Variants in RAI1 observed in about 807,000 individuals in gnomAD.
The protein encoded by RAI1 is retinoic acid induced 1.
Under a neutral mutation model 123.8 loss-of-function variants are expected in RAI1, and 9 were observed. The ratio of observed to expected loss-of-function variants is 0.07; its 90% CI spans 0.04 to 0.13. The LOEUF is 0.13. Ranked by LOEUF, RAI1 falls within the 10% of genes least tolerant of loss-of-function variation. RAI1 has a pLI of 1.00. For missense variants in RAI1, 2,256 were observed against 2,545.8 expected (o/e 0.89, Z 2.45); for synonymous variants, 1,231 against 1,127.3 (o/e 1.09, Z -1.84).
chr17:17,787,439 C>T (rs2031864539), intron 2 of RAI1, among the ~76,000 whole-genome samples: 1 of 152,174 alleles, frequency 6.6e-6, no homozygotes, highest in South Asian at 2.1e-4. Flanking sequence ...GCTTTTTGTT[C>T]AGTGGTGAAT....
Position 17,798,315 on chromosome 17 carries a change from G to T in RAI1, c.5367G>T (p.Arg1789=). ...AGAGCTGCTACTGCTGTGATGGCCG[G>T]GAGGATGGGGGCGAGGAGGCAGCCC... is the stretch of plus-strand genomic sequence containing the variant. ...RLQSCYCCDG[R]EDGGEEAAPA... The change falls in exon 3 of 6, where the codon CGG becomes CGT. Residue 1789 remains arginine (R), a synonymous_variant. Transcript: ENST00000353383. The T allele has an allele frequency of 6.3e-7, 1 of 1,596,626 alleles. No homozygotes were observed.
intron 4 of RAI1, among the ~76,000 whole-genome samples, chr17:17,808,383 TTTA>T (rs1325527993): frequency 1.5e-3 from 202 of 136,598 alleles, no homozygotes; most frequent in Middle Eastern, 7.2e-3. Context: ...TATATTTTAT[TTTA>T]TTATTTTATT....
In RAI1 at chr17:17,793,402, C is replaced by T. The variant is rs755899326; in HGVS notation, c.454C>T (p.Pro152Ser). 6.2e-7 allele frequency: 1 copy of T among 1,613,676 alleles called. No individual in the cohort carries two copies. Among genetic ancestry groups the T allele is most frequent in the Non-Finnish European group, 8.5e-7 (1 of 1,179,980 alleles). ...GAACTTGATGAAAAAGACAGCAGTG[C>T]CCCCCAGCAGGCAGTATGCAGAGCA... is the stretch of plus-strand genomic sequence containing the variant. ...DENLMKKTAVPPSRQYAEQGA... is the reference protein window; with the variant it reads ...DENLMKKTAVSPSRQYAEQGA... Residue 152 changes from proline (P) to serine (S), a missense_variant, in exon 3 of 6, where the codon CCC becomes TCC. Pro to Ser is a moderately conservative substitution (Grantham distance 74, BLOSUM62 -1). This residue lies in a region of RAI1 where 336 missense variants were observed against 349.8 expected (regional missense o/e 0.96). Transcript: ENST00000353383.
intron 2 of RAI1, among the ~76,000 whole-genome samples, chr17:17,729,085 G>A (rs1204170891): frequency 6.6e-6 from 1 of 152,106 alleles, no homozygotes; most frequent in Non-Finnish European, 1.5e-5. Flanking sequence ...TGCCAACCTG[G>A]GCAAGGCCTG....
intron 4 of RAI1, among the ~76,000 whole-genome samples, chr17:17,807,441 C>G (rs900751238): frequency 6.6e-6 from 1 of 152,214 alleles, no homozygotes; most frequent in Non-Finnish European, 1.5e-5. Flanking sequence ...TGCCCCCTTC[C>G]AATTCTTGTT....
chr17:17,750,101 T>C (rs2142981729), intron 2 of RAI1, among the ~76,000 whole-genome samples: 1 of 152,348 alleles, frequency 6.6e-6, no homozygotes, highest in East Asian at 1.9e-4. Flanking sequence ...GAGATATCAC[T>C]TGCATTCACA....
chr17:17,807,971 C>G (rs1289592010), intron 4 of RAI1, among the ~76,000 whole-genome samples: 11 of 152,240 alleles, frequency 7.2e-5, no homozygotes, highest in Non-Finnish European at 1.2e-4. Flanking sequence ...GCCCTGCCCT[C>G]AGGGCTGCAG....
intron 2 of RAI1, among the ~76,000 whole-genome samples, chr17:17,785,502 CATT>C (rs765883058): frequency 6.6e-6 from 1 of 152,190 alleles, no homozygotes; most frequent in Non-Finnish European, 1.5e-5. Context: ...TGAAACAGCT[CATT>C]GTACCATCAA....
intron 2 of RAI1, among the ~76,000 whole-genome samples, chr17:17,735,755 C>A (rs1371862242): frequency 6.6e-6 from 1 of 152,216 alleles, no homozygotes; most frequent in African/African-American, 2.4e-5. Context: ...GGTGTGCAAG[C>A]AGATGCCCAA....
At chr17:17,706,575 C>G (rs1387990813) in intron 1 of RAI1, among the ~76,000 whole-genome samples, 1 of 152,098 alleles carries the variant, frequency 6.6e-6, no homozygotes, top group Non-Finnish European at 1.5e-5. Flanking sequence ...GAGCCGGGGA[C>G]TGGATGGGGG....
intron 2 of RAI1, among the ~76,000 whole-genome samples, chr17:17,769,819 C>T (rs921067933): frequency 1.2e-4 from 19 of 152,158 alleles, no homozygotes; most frequent in African/African-American, 4.6e-4. Flanking sequence ...CCCTGCACCC[C>T]GGCCAGAGGC....
At chr17:17,748,418 G>A (rs2030013273) in intron 2 of RAI1, among the ~76,000 whole-genome samples, 1 of 152,202 alleles carries the variant, frequency 6.6e-6, no homozygotes, top group Admixed American at 6.5e-5. Flanking sequence ...TTGATTGGGT[G>A]GTTTTTGTAG....
intron 2 of RAI1, among the ~76,000 whole-genome samples, chr17:17,790,475 T>C (rs762831940): frequency 6.6e-6 from 1 of 152,044 alleles, no homozygotes; most frequent in Non-Finnish European, 1.5e-5. Flanking sequence ...TCGGCTAAAT[T>C]AAAAGACACA....
At chr17:17,770,411 G>C (rs1355050483) in intron 2 of RAI1, among the ~76,000 whole-genome samples, 2 of 152,228 alleles carry the variant, frequency 1.3e-5, no homozygotes, top group Non-Finnish European at 2.9e-5. Flanking sequence ...AAGAGATGCT[G>C]GCGGCTGAGC....
chr17:17,797,064 G>C lies in RAI1; in HGVS notation c.4116G>C (p.Gly1372=), dbSNP rs900403790. Residue 1372 remains glycine (G), a synonymous_variant, in exon 3 of 6, where the codon GGG becomes GGC. Transcript: ENST00000353383. ...AAGACCGTGGGCTCAAGGGTGCTGGGGGCAGCCCAGTGGGGGTGGAAGAAG... is the reference window on the plus strand; with the variant it reads ...AAGACCGTGGGCTCAAGGGTGCTGGCGGCAGCCCAGTGGGGGTGGAAGAAG... ...SDKDRGLKGA[G]GSPVGVEEGL... is the part of the protein sequence containing the mutation. 2.5e-6 allele frequency: 4 copies of C among 1,613,860 alleles called. No homozygotes were observed. The African/African-American group carries it at 5.3e-5, about 22-fold the overall frequency.
rs960002377 is a variant in RAI1 at position 17,800,576 on chromosome 17, G to A, written c.5565+2063G>A. Among the ~76,000 whole-genome samples, 1 of 152,188 alleles carries A rather than the reference G, an allele frequency of 6.6e-6. No individual in the cohort carries two copies. Among genetic ancestry groups the A allele is most frequent in the East Asian group, 1.9e-4 (1 of 5,180 alleles). ...ACACACAAGGTCCTGCTGGACTGAG[G>A]AGACAGTGTGTGTTGGAGAGGCGCT... On this transcript the variant is annotated intron_variant, in intron 3 of 5. Transcript: ENST00000353383. This position sits in a 1 kb window ranked among gnomAD's most constrained non-coding sequence, Gnocchi z 4.7.
intron 2 of RAI1, chr17:17,766,021 C>G (rs1330295358): frequency 6.6e-6 from 1 of 152,316 alleles, no homozygotes; most frequent in Non-Finnish European, 1.5e-5. Context: ...CAGGGAAGAC[C>G]TGGGGTCCAG....
intron 4 of RAI1, 152 bp downstream of exon 4, chr17:17,804,001 G>A (rs2032545425): frequency 1.2e-6 from 1 of 808,894 alleles, no homozygotes. Context: ...CCTTCTGTCT[G>A]CCTAGACCTC....
At chr17:17,709,642 T>G (rs1915503378) in intron 1 of RAI1, among the ~76,000 whole-genome samples, 1 of 152,216 alleles carries the variant, frequency 6.6e-6, no homozygotes, top group Non-Finnish European at 1.5e-5. Flanking sequence ...ATTCTGGTCC[T>G]GAGCTCCCTT....
Sources: allele counts gnomAD v4.1 joint callset (sites outside exome capture counted in the v4.1 genomes callset), GRCh38; gene constraint gnomAD v4.1.1; regional missense constraint gnomAD v4.1.1; non-coding constraint Gnocchi (gnomAD v3.1); transcripts MANE v1.5; gene names NCBI Gene and HGNC (gene_info 2026-07-23, HGNC 2026-07-21).